Variants in CRIM1 observed in about 807,000 individuals in gnomAD.
CRIM1 encodes cysteine rich transmembrane BMP regulator 1, also known as cysteine-rich motor neuron 1 protein.
In CRIM1, 32 loss-of-function variants were observed where a neutral mutation model predicts 116.4. The ratio of observed to expected loss-of-function variants is 0.27; its 90% CI spans 0.21 to 0.37. The LOEUF (loss-of-function observed/expected upper bound fraction) is 0.37. Among genes scored for constraint, CRIM1 ranks in the 10% least tolerant of loss-of-function variants. The pLI is 1.00. For missense variants in CRIM1, 1,331 were observed against 1,354.8 expected (o/e 0.98, Z 0.28); for synonymous variants, 590 against 509.2 (o/e 1.16, Z -2.13).
rs780612188 is a variant in CRIM1, at chr2:36,513,575, G to GCCA, written c.1803_1805dup (p.Pro602dup). 6.2e-7 allele frequency: 1 copy of GCCA among 1,614,058 alleles called. No homozygotes were observed. Among genetic ancestry groups the GCCA allele is most frequent in the Non-Finnish European group, 8.5e-7 (1 of 1,179,990 alleles). ...GTCCAGAGGCCTCTGCTTCAGCTGG[G>GCCA]CCACCCATCCTGTCGGGCACTTGTC... is the stretch of plus-strand genomic sequence containing the variant. On this transcript the variant is annotated inframe_insertion, in exon 11 of 17. Transcript: ENST00000280527.
In CRIM1 at chr2:36,479,690, C is replaced by T. The variant is rs202040233; in HGVS notation, c.1368C>T (p.Cys456=). ...VKVPGECCPV[C]EEPTIITVDP... is the part of the protein sequence containing the mutation. ...TGCCTGGGGAGTGTTGCCCTGTGTG[C>T]GAAGGTAAATCTTGCAGATGCTAAT... Residue 456 remains cysteine (C), a synonymous_variant, in exon 7 of 17, where the codon TGC becomes TGT. Transcript: ENST00000280527. The T allele has an allele frequency of 1.5e-4, 235 of 1,613,816 alleles. No homozygotes were observed. The highest frequency in any genetic ancestry group is 3.0e-4 in the Admixed American group (18 of 59,992).
In CRIM1 at chr2:36,399,622, G is replaced by A. The variant is rs1672273556; in HGVS notation, c.505+2835G>A. 2.6e-5 allele frequency among the ~76,000 whole-genome samples: 4 copies of A among 152,186 alleles called. No individual in the cohort carries two copies. In the South Asian group the frequency reaches 8.3e-4, roughly 31 times the overall value. On this transcript the variant is annotated intron_variant, in intron 2 of 16. Coordinates refer to ENST00000280527, the MANE Select transcript of CRIM1 (RefSeq NM_016441.3). ...TGAAAATAGGGGTAATTATTTTAGGGCAATGTAGAGGTCAAGAAGAGCTTA... is the reference window on the plus strand; with the variant it reads ...TGAAAATAGGGGTAATTATTTTAGGACAATGTAGAGGTCAAGAAGAGCTTA...
intron 5 of CRIM1, among the ~76,000 whole-genome samples, chr2:36,474,187 A>G (rs1678774887): frequency 6.6e-6 from 1 of 151,946 alleles, no homozygotes; most frequent in African/African-American, 2.4e-5. Context: ...TGATTAGATT[A>G]TTTTTATCGT....
chr2:36,398,943 T>A (rs1672230398), intron 2 of CRIM1, among the ~76,000 whole-genome samples: 2 of 152,138 alleles, frequency 1.3e-5, no homozygotes, highest in Admixed American at 1.3e-4. Flanking sequence ...AAAGTATGAT[T>A]TGGAATTGTG....
At chr2:36,438,348 A>T (rs1675501099) in intron 2 of CRIM1, among the ~76,000 whole-genome samples, 1 of 152,220 alleles carries the variant, frequency 6.6e-6, no homozygotes, top group African/African-American at 2.4e-5. Flanking sequence ...CAAAGTCACA[A>T]AGCTTTTCTT....
At chr2:36,387,524 G>T (rs1254410128) in intron 1 of CRIM1, among the ~76,000 whole-genome samples, 2 of 152,186 alleles carry the variant, frequency 1.3e-5, no homozygotes, top group Non-Finnish European at 1.5e-5. Flanking sequence ...GAAGACCTGA[G>T]ATTTTCCTTG....
rs117167338 is a variant in CRIM1 at position 36,478,443 on chromosome 2, T to C, written c.1175-1054T>C. Among the ~76,000 whole-genome samples the C allele has an allele frequency of 1.1e-3, 160 of 152,314 alleles. 3 individuals are homozygous for C. In the East Asian group the frequency reaches 0.024, roughly 22 times the overall value. On this transcript the variant is annotated intron_variant, in intron 6 of 16. Transcript: ENST00000280527. Reference sequence around the variant, plus strand: ...TTGTCTGGGCATGGATCCAGTTATGTCTCACTTCCTGGAATTCAGATCCAG... The same window carrying C: ...TTGTCTGGGCATGGATCCAGTTATGCCTCACTTCCTGGAATTCAGATCCAG...
At chr2:36,496,527 A>T (rs2125079601) in intron 7 of CRIM1, among the ~76,000 whole-genome samples, 1 of 152,324 alleles carries the variant, frequency 6.6e-6, no homozygotes, top group Middle Eastern at 3.4e-3. Flanking sequence ...TGCATGCTAC[A>T]GCGTTGAGGC....
chr2:36,452,484 A>T (rs1676808593), intron 4 of CRIM1, among the ~76,000 whole-genome samples: 1 of 152,186 alleles, frequency 6.6e-6, no homozygotes, highest in Non-Finnish European at 1.5e-5. Context: ...AGTCTATATT[A>T]AACTCTGATG....
chr2:36,462,937 A>G (rs1428155874), intron 4 of CRIM1, among the ~76,000 whole-genome samples: 3 of 152,230 alleles, frequency 2.0e-5, no homozygotes, highest in Middle Eastern at 3.2e-3. Context: ...ACTCAGCGCT[A>G]GAAAATGATT....
chr2:36,547,627 C>A (rs1356632268), intron 16 of CRIM1, among the ~76,000 whole-genome samples: 5 of 152,058 alleles, frequency 3.3e-5, no homozygotes, highest in Non-Finnish European at 7.4e-5. Context: ...GCAAAAGGAA[C>A]AGGTCAGTGC....
At chr2:36,438,144 A>C (rs892607560) in intron 2 of CRIM1, among the ~76,000 whole-genome samples, 2 of 134,082 alleles carry the variant, frequency 1.5e-5, no homozygotes, top group Non-Finnish European at 3.0e-5. Context: ...AAAAAAAAAC[A>C]AAAAAAAAGA....
At chr2:36,523,945 A>T (rs1046744084) in intron 13 of CRIM1, among the ~76,000 whole-genome samples, 22 of 152,234 alleles carry the variant, frequency 1.4e-4, no homozygotes, top group African/African-American at 5.3e-4. Flanking sequence ...AATTTTACAC[A>T]GATTTTCTTA....
At chr2:36,408,408 C>T (rs904980905) in intron 2 of CRIM1, among the ~76,000 whole-genome samples, 6 of 152,194 alleles carry the variant, frequency 3.9e-5, no homozygotes, top group Admixed American at 2.0e-4. Context: ...TGCTGAGTTG[C>T]TGCTTTGCCC....
At position 36,500,677 on chromosome 2, in the gene CRIM1, A is replaced by G. The variant is rs577633743; in HGVS notation, c.1501+1330A>G. On this transcript the variant is annotated intron_variant, in intron 8 of 16. Transcript: ENST00000280527. ...TATATTAAATAAGCACAACTTATAT[A>G]TCCTTATCTAAATCACTGAATTAAA... Among the ~76,000 whole-genome samples the G allele has an allele frequency of 2.1e-4, 32 of 152,326 alleles. 1 individual carries two copies. In the Middle Eastern group the frequency reaches 0.034, roughly 162 times the overall value.
At position 36,549,813 on chromosome 2, in the gene CRIM1, A is replaced by G. The variant is rs1667620237; in HGVS notation, c.*1112A>G. 1 of 151,824 alleles carries G rather than the reference A, an allele frequency of 6.6e-6. No homozygotes were observed. Among genetic ancestry groups the G allele is most frequent in the Admixed American group, 6.6e-5 (1 of 15,190 alleles). The allele number at this position is 151,824 out of a possible 1,614,324, so 9.4% of individuals were successfully genotyped here. On this transcript the variant is annotated 3_prime_UTR_variant, in exon 17 of 17. Transcript: ENST00000280527. ...TAACTATCTTATGCTTCAAAAAACA[A>G]AAGTATTTGTGTGCATGTGTATATA...
chr2:36,490,560 C>T (rs2125067839), intron 7 of CRIM1, among the ~76,000 whole-genome samples: 1 of 152,272 alleles, frequency 6.6e-6, no homozygotes, highest in South Asian at 2.1e-4. Flanking sequence ...CTGGCTCCAT[C>T]CCCATTGCTG....
intron 1 of CRIM1, among the ~76,000 whole-genome samples, chr2:36,382,863 C>T (rs1397786649): frequency 6.6e-6 from 1 of 152,188 alleles, no homozygotes; most frequent in African/African-American, 2.4e-5. Flanking sequence ...TCCTTTGAAA[C>T]TTGGTGATCA....
At chr2:36,517,679 G>A (rs1572912043) in intron 12 of CRIM1, 137 bp downstream of exon 12, 1 of 748,116 alleles carries the variant, frequency 1.3e-6, no homozygotes, top group East Asian at 2.7e-5. Flanking sequence ...GGAACAGCTG[G>A]CAGCCTGCTT....
Sources: allele counts gnomAD v4.1 joint callset (sites outside exome capture counted in the v4.1 genomes callset), GRCh38; gene constraint gnomAD v4.1.1; transcripts MANE v1.5; gene names NCBI Gene and HGNC (gene_info 2026-07-23, HGNC 2026-07-21).